The following IGSF9B variants were observed in gnomAD, a reference collection of about 807,000 sequenced individuals.
IGSF9B encodes immunoglobulin superfamily member 9B.
A neutral mutation model predicts 143.7 loss-of-function variants in IGSF9B; 48 were observed. That is an observed-to-expected ratio of 0.33 (90% CI 0.26 to 0.42). IGSF9B has a LOEUF of 0.42. Among genes scored for constraint, IGSF9B ranks in the 20% least tolerant of loss-of-function variants. IGSF9B has a pLI of 1.00. For synonymous variants in IGSF9B, 903 were observed against 833.1 expected (o/e 1.08, Z -1.44); for missense variants, 1,706 against 1,980.0 (o/e 0.86, Z 2.63).
intron 3 of IGSF9B, among the ~76,000 whole-genome samples, chr11:133,942,545 A>C (rs1364991934): frequency 1.3e-5 from 2 of 152,228 alleles, no homozygotes; most frequent in African/African-American, 4.8e-5. Context: ...CTGGTGTCTC[A>C]GATTCCTGAA....
At position 133,953,750 on chromosome 11, in the gene IGSF9B, G is replaced by T. The variant is rs556551508; in HGVS notation, c.64+2941C>A. 5.9e-5 allele frequency among the ~76,000 whole-genome samples: 9 copies of T among 152,266 alleles called. No homozygotes were observed. In the East Asian group the frequency reaches 1.7e-3, roughly 29 times the overall value. On this transcript the variant is annotated intron_variant, in intron 1 of 19. Transcript: ENST00000533871. This position sits in a 1 kb window ranked among gnomAD's most constrained non-coding sequence, Gnocchi z 4.2. ...CTATCCAAGGTCCACAATCAGCTAA[G>T]CACGGCCCAGGGTCCTCCCACAGAG...
intron 1 of IGSF9B, chr11:133,952,000 G>A (rs972154840): frequency 3.1e-5 from 14 of 453,374 alleles, no homozygotes; most frequent in Admixed American, 1.4e-4. Flanking sequence ...ACACGACCAG[G>A]AGGGAGGCAA....
intron 1 of IGSF9B, among the ~76,000 whole-genome samples, chr11:133,947,160 A>G (rs500166): frequency 0.39 from 59,409 of 151,958 alleles, 12,637 homozygotes; most frequent in Middle Eastern, 0.52. Flanking sequence ...CCACCCCACC[A>G]CAAGCTAGAG....
chr11:133,938,526 A>C (rs1034625010), intron 3 of IGSF9B, among the ~76,000 whole-genome samples: 9 of 151,962 alleles, frequency 5.9e-5, no homozygotes, highest in African/African-American at 2.2e-4. Context: ...TCCCTTCTTC[A>C]TTTTCCTCTG....
Position 133,922,182 on chromosome 11 carries a change from C to T in IGSF9B, c.2322G>A (p.Glu774=), listed in dbSNP as rs748472953. 3 of 1,613,358 alleles carry T rather than the reference C, an allele frequency of 1.9e-6. No individual in the cohort carries two copies. Among genetic ancestry groups the T allele is most frequent in the Non-Finnish European group, 2.5e-6 (3 of 1,179,602 alleles). The change falls in exon 17 of 20, where the codon GAG becomes GAA. Residue 774 remains glutamate, a synonymous_variant. Transcript: ENST00000533871. ...LSITHCRKSL[E]SPLSSGKVSP... ...CCAGGATCTGAGACACTTACGGAGA[C>T]TCCAGGCTCTTCCTGCAGTGGGTGA... is the stretch of plus-strand genomic sequence containing the variant.
chr11:133,948,013 ACCTG>A lies in IGSF9B; in HGVS notation c.65-1759_65-1756del, dbSNP rs1186760935. Among the ~76,000 whole-genome samples the A allele has an allele frequency of 6.7e-6, 1 of 148,802 alleles. No homozygotes were observed. The highest frequency in any genetic ancestry group is 1.5e-5 in the Non-Finnish European group (1 of 67,490). ...TTGCTCTGTGTGGGTGACTGTGTCT[ACCTG>A]CCTATCTCTCTCCCTGTTTCTGTCT... is the stretch of plus-strand genomic sequence containing the variant. On this transcript the variant is annotated intron_variant, in intron 1 of 19. Transcript: ENST00000533871. The surrounding 1 kb of genome is among the most constrained non-coding windows in gnomAD (Gnocchi z 4.7).
rs757530416 is a variant in IGSF9B at position 133,906,693 on chromosome 11, C to T, written c.*2376G>A. Among the ~76,000 whole-genome samples, 56 of 152,174 alleles carry T rather than the reference C, an allele frequency of 3.7e-4. No individual in the cohort carries two copies. Among genetic ancestry groups the T allele is most frequent in the Non-Finnish European group, 6.0e-4 (41 of 68,048 alleles). ...TCATCATCTCCTCTTCTTTTCTAAC[C>T]TGAGGGCTGGAATTCCCAGGAGGGT... is the stretch of plus-strand genomic sequence containing the variant. On this transcript the variant is annotated 3_prime_UTR_variant, in exon 20 of 20. Transcript: ENST00000533871.
At position 133,945,748 on chromosome 11, in the gene IGSF9B, G is replaced by C. The variant is rs997752143; in HGVS notation, c.262+313C>G. On this transcript the variant is annotated intron_variant, in intron 2 of 19. Transcript: ENST00000533871. The surrounding 1 kb of genome is among the most constrained non-coding windows in gnomAD (Gnocchi z 4.6). ...AGCAGGGAGAGCCGTGCTGGCCCAGGGCTGCCTGACTCAGTCTGCTGTCCT... is the reference window on the plus strand; with the variant it reads ...AGCAGGGAGAGCCGTGCTGGCCCAGCGCTGCCTGACTCAGTCTGCTGTCCT... 6.6e-6 allele frequency among the ~76,000 whole-genome samples: 1 copy of C among 152,082 alleles called. No homozygotes were observed. Among genetic ancestry groups the C allele is most frequent in the Non-Finnish European group, 1.5e-5 (1 of 68,002 alleles).
At position 133,944,344 on chromosome 11, in the gene IGSF9B, C is replaced by T. The variant is rs768340005; in HGVS notation, c.285G>A (p.Lys95=). 1.4e-5 allele frequency: 23 copies of T among 1,613,736 alleles called. 1 individual carries two copies. In the South Asian group the frequency reaches 2.2e-4, roughly 15 times the overall value. ...GAACTTGTTCCAGCCGCAGAGATGCCTTATCATGAAGACTGGCCCGGCCTG... is the reference window on the plus strand; with the variant it reads ...GAACTTGTTCCAGCCGCAGAGATGCTTTATCATGAAGACTGGCCCGGCCTG... ...EYAGRASLHD[K]ASLRLEQVRS... The change falls in exon 3 of 20, where the codon AAG becomes AAA. Residue 95 remains lysine, a synonymous_variant. Transcript: ENST00000533871.
At position 133,945,446 on chromosome 11, in the gene IGSF9B, G is replaced by A. The variant is rs1308053282; in HGVS notation, c.262+615C>T. ...CTCCCTTCCTTTCAACCCCAACAAC[G>A]CTCGCTCAATGACACGCACACGCAC... On this transcript the variant is annotated intron_variant, in intron 2 of 19. Coordinates refer to ENST00000533871, the MANE Select transcript of IGSF9B (RefSeq NM_001277285.4). The surrounding 1 kb of genome is among the most constrained non-coding windows in gnomAD (Gnocchi z 4.6). Among the ~76,000 whole-genome samples, 2 of 152,090 alleles carry A rather than the reference G, an allele frequency of 1.3e-5. No homozygotes were observed. Among genetic ancestry groups the A allele is most frequent in the African/African-American group, 2.4e-5 (1 of 41,434 alleles).
At chr11:133,937,274 C>A in intron 5 of IGSF9B, 102 bp downstream of exon 5, 2 of 813,362 alleles carry the variant, frequency 2.5e-6, no homozygotes, top group Non-Finnish European at 3.9e-6. Context: ...TGCACCTCCA[C>A]TAGCCCCAGC....
chr11:133,913,959 A>G lies in IGSF9B; in HGVS notation c.3984-1952T>C, dbSNP rs924287525. ...TCAGGGAGGCGCATGACCGGCAAGA[A>G]GAGTGCTCTCCAATGTCATCCAGGG... On this transcript the variant is annotated intron_variant, in intron 18 of 19. Transcript: ENST00000533871. The surrounding 1 kb of genome is among the most constrained non-coding windows in gnomAD (Gnocchi z 4.6). Among the ~76,000 whole-genome samples the G allele has an allele frequency of 1.3e-5, 2 of 152,218 alleles. No homozygotes were observed. Among genetic ancestry groups the G allele is most frequent in the African/African-American group, 4.8e-5 (2 of 41,468 alleles).
intron 18 of IGSF9B, chr11:133,919,128 G>GGGGGGGGGGGGGT: frequency 6.0e-6 from 2 of 335,538 alleles, no homozygotes; most frequent in South Asian, 2.0e-5. Flanking sequence ...CGGGGGGGGG[G>GGGGGGGGGGGGGT]TGGGGGACGT....
intron 1 of IGSF9B, 42 bp downstream of exon 1, chr11:133,956,649 G>A (rs1386030623): frequency 2.8e-6 from 4 of 1,410,840 alleles, no homozygotes; most frequent in Admixed American, 4.3e-5. Flanking sequence ...GGGGCCGAGG[G>A]CGCCGGGAGG....
intron 1 of IGSF9B, among the ~76,000 whole-genome samples, chr11:133,950,410 C>T (rs1490606063): frequency 6.6e-6 from 1 of 152,224 alleles, no homozygotes; most frequent in East Asian, 1.9e-4. Context: ...GGCCTCCTGA[C>T]ACACGCACCG....
chr11:133,912,687 G>A (rs1039794269), intron 18 of IGSF9B, among the ~76,000 whole-genome samples: 2 of 152,212 alleles, frequency 1.3e-5, no homozygotes, highest in African/African-American at 2.4e-5. Context: ...GAAAGTGGCA[G>A]GAGATAACAG....
chr11:133,918,654 G>A (rs1455737720), intron 18 of IGSF9B, among the ~76,000 whole-genome samples: 1 of 152,054 alleles, frequency 6.6e-6, no homozygotes, highest in Non-Finnish European at 1.5e-5. Flanking sequence ...AGGTACCAGG[G>A]AGGGTGGGGG....
At chr11:133,932,042 C>G in intron 8 of IGSF9B, 29 bp downstream of exon 8, 1 of 1,594,964 alleles carries the variant, frequency 6.3e-7, no homozygotes, top group Non-Finnish European at 8.6e-7. Flanking sequence ...AGCCCTCACT[C>G]CAACCCTCAA....
intron 18 of IGSF9B, among the ~76,000 whole-genome samples, chr11:133,918,532 G>A (rs368942134): frequency 5.9e-5 from 9 of 152,112 alleles, no homozygotes; most frequent in Non-Finnish European, 8.8e-5. Context: ...GCGCACAGGC[G>A]GCGGCTGCGG....
Sources: gnomAD v4.1 joint callset for allele counts (sites outside exome capture counted in the v4.1 genomes callset) on GRCh38, gnomAD v4.1.1 for gene constraint, Gnocchi (gnomAD v3.1) non-coding constraint, MANE v1.5 for transcripts, NCBI Gene and HGNC (gene_info 2026-07-23, HGNC 2026-07-21) for gene names.